NDUFAF7: variants seen among roughly 807,000 people sequenced by gnomAD.
The protein encoded by NDUFAF7 is NADH:ubiquinone oxidoreductase complex assembly factor 7, also known as protein arginine methyltransferase NDUFAF7, mitochondrial.
NDUFAF7 carries 48 observed loss-of-function variants against 47.2 expected under a neutral mutation model. That is an observed-to-expected ratio of 1.02 (90% CI 0.81 to 1.29). NDUFAF7 has a LOEUF of 1.29. NDUFAF7 is among the 50% of genes most tolerant of loss of function. NDUFAF7 has a pLI of 0.00. For missense variants in NDUFAF7, 635 were observed against 537.6 expected (o/e 1.18, Z -1.79); for synonymous variants, 217 against 190.0 (o/e 1.14, Z -1.17).
downstream of NDUFAF7, chr2:37,256,795 C>T (rs765143492): frequency 1.9e-6 from 3 of 1,613,834 alleles, no homozygotes; most frequent in Non-Finnish European, 2.5e-6. Flanking sequence ...CTCCCACTGA[C>T]CACATATCTA....
intron 7 of NDUFAF7, 54 bp from the exon 8 acceptor site, chr2:37,245,998 G>C (rs1328887093): frequency 1.1e-5 from 17 of 1,593,510 alleles, no homozygotes; most frequent in South Asian, 2.2e-5. Flanking sequence ...AAACCGTAAG[G>C]AAGTCATTCT....
chr2:37,244,000 T>G (rs1400082926), intron 7 of NDUFAF7, 27 bp downstream of exon 7: 1 of 1,518,516 alleles, frequency 6.6e-7, no homozygotes, highest in East Asian at 2.3e-5. Flanking sequence ...TTAAGTTTCT[T>G]TTATTGCTCA....
rs1378950153 is a variant in NDUFAF7 at position 37,231,678 on chromosome 2, C to A, written c.-28C>A. 2 of 1,614,028 alleles carry A rather than the reference C, an allele frequency of 1.2e-6. No homozygotes were observed. The highest frequency in any genetic ancestry group is 1.3e-5 in the African/African-American group (1 of 74,934). Reference sequence around the variant, plus strand: ...AAATGGTCTAAGCCCCAGCTCCTGGCGGAGCGAGCTAGCCTGCGAATTTCA... The same window carrying A: ...AAATGGTCTAAGCCCCAGCTCCTGGAGGAGCGAGCTAGCCTGCGAATTTCA... On this transcript the variant is annotated 5_prime_UTR_variant, in exon 1 of 10. Transcript: ENST00000002125.
chr2:37,236,542 C>T (rs948761344), intron 3 of NDUFAF7, among the ~76,000 whole-genome samples: 4 of 151,594 alleles, frequency 2.6e-5, no homozygotes, highest in South Asian at 4.2e-4. Context: ...TTTGGGAGGC[C>T]GAGGCAGGCG....
intron 2 of NDUFAF7, among the ~76,000 whole-genome samples, chr2:37,233,813 G>A (rs773437175): frequency 2.2e-4 from 34 of 152,182 alleles, no homozygotes; most frequent in Non-Finnish European, 3.8e-4. Context: ...TTAACCTAGG[G>A]ACCCTTTAAT....
chr2:37,243,998 C>T, intron 7 of NDUFAF7, 25 bp downstream of exon 7: 1 of 1,520,818 alleles, frequency 6.6e-7, no homozygotes. Context: ...TTTTAAGTTT[C>T]TTTTATTGCT....
In NDUFAF7 at chr2:37,243,853, T is replaced by A. The variant is rs774554877; in HGVS notation, c.682-10T>A. The A allele has an allele frequency of 1.2e-6, 2 of 1,612,610 alleles. No individual in the cohort carries two copies. The highest frequency in any genetic ancestry group is 2.2e-5 in the South Asian group (2 of 90,946). On this transcript the variant is annotated splice_polypyrimidine_tract_variant and intron_variant, in intron 6 of 9. Coordinates refer to ENST00000002125, the MANE Select transcript of NDUFAF7 (RefSeq NM_144736.5). ...CAAAAATTTGTTTTTATGTGTTATT[T>A]TGTGTTTAGAAAACACCACAGGGAT...
downstream of NDUFAF7, chr2:37,253,430 T>G (rs530498557): frequency 5.1e-5 from 66 of 1,298,670 alleles, no homozygotes; most frequent in Non-Finnish European, 6.6e-5. Context: ...TGTTTTTTTT[T>G]GTTGTTGTTT....
chr2:37,235,314 T>G (rs1276091366), intron 2 of NDUFAF7, among the ~76,000 whole-genome samples: 1 of 151,632 alleles, frequency 6.6e-6, no homozygotes, highest in Non-Finnish European at 1.5e-5. Context: ...GAAAAGTTCA[T>G]AAACCACAAG....
rs1241235190 is a variant in NDUFAF7 at position 37,241,636 on chromosome 2, A to C, written c.467A>C (p.Glu156Ala). Reference sequence around the variant, plus strand: ...TGTGACATTTCAGTACATCTGGTAGAGGTAAGCCAAAAATTAAGTGAGATT... The same window carrying C: ...TGTGACATTTCAGTACATCTGGTAGCGGTAAGCCAAAAATTAAGTGAGATT... Reference protein sequence around the residue: ...KNCDISVHLVEVSQKLSEIQA... With the variant: ...KNCDISVHLVAVSQKLSEIQA... The change falls in exon 5 of 10, where the codon GAG (glutamate) becomes GCG (alanine). Residue 156 changes from glutamate (E) to alanine (A), a missense_variant. Coordinates refer to ENST00000002125, the MANE Select transcript of NDUFAF7 (RefSeq NM_144736.5). 1.2e-6 allele frequency: 2 copies of C among 1,613,978 alleles called. No individual in the cohort carries two copies. Among genetic ancestry groups the C allele is most frequent in the Non-Finnish European group, 1.7e-6 (2 of 1,179,986 alleles).
At chr2:37,253,308 T>C (rs769449366), downstream of NDUFAF7, 24 of 1,613,082 alleles carry the variant, frequency 1.5e-5, no homozygotes, top group Non-Finnish European at 2.0e-5. Context: ...CGTTCTCCAA[T>C]GCGAGTTTCA....
At chr2:37,253,375 A>C, downstream of NDUFAF7, 1 of 1,575,378 alleles carries the variant, frequency 6.3e-7, no homozygotes, top group Non-Finnish European at 8.6e-7. Context: ...AATTGTAATG[A>C]TGAAACAAAA....
Position 37,243,704 on chromosome 2 carries a change from T to C in NDUFAF7, c.682-159T>C, listed in dbSNP as rs1250064103. Among the ~76,000 whole-genome samples the C allele has an allele frequency of 3.3e-5, 5 of 152,226 alleles. No individual in the cohort carries two copies. In the East Asian group the frequency reaches 9.6e-4, roughly 29 times the overall value. On this transcript the variant is annotated intron_variant, in intron 6 of 9. Transcript: ENST00000002125. ...TTTGCATCGATTGGTCTACTCATTG[T>C]TCAAAGGCAATGAAGTAATGAATTT...
chr2:37,254,053 A>G, downstream of NDUFAF7: 1 of 622,800 alleles, frequency 1.6e-6, no homozygotes, highest in Non-Finnish European at 2.9e-6. Flanking sequence ...TGAATGCTGT[A>G]TGGTTTCCAG....
At chr2:37,233,122 G>C (rs1665360327) in intron 2 of NDUFAF7, among the ~76,000 whole-genome samples, 1 of 152,188 alleles carries the variant, frequency 6.6e-6, no homozygotes, top group East Asian at 1.9e-4. Flanking sequence ...ATTTGCCGAT[G>C]GATTGAGTGA....
the NDUFAF7 span, among the ~76,000 whole-genome samples, chr2:37,266,911 T>C: frequency 6.6e-6 from 1 of 152,234 alleles, no homozygotes; most frequent in Non-Finnish European, 1.5e-5. Flanking sequence ...AGCTAAATTT[T>C]AATCTTCTAG....
rs993013076 is a variant in NDUFAF7, at chr2:37,237,754, C to T, written c.298-3C>T. ...TATGTGTTTTTTTTTTCCCTTTTCACAGCTACTAGGTATATGGTTCATTAG... is the reference window on the plus strand; with the variant it reads ...TATGTGTTTTTTTTTTCCCTTTTCATAGCTACTAGGTATATGGTTCATTAG... On this transcript the variant is annotated splice_region_variant and splice_polypyrimidine_tract_variant and intron_variant, in intron 3 of 9. Transcript: ENST00000002125. 1.9e-6 allele frequency: 3 copies of T among 1,570,754 alleles called. No homozygotes were observed. Among genetic ancestry groups the T allele is most frequent in the East Asian group, 2.2e-5 (1 of 44,668 alleles).
intron 2 of NDUFAF7, among the ~76,000 whole-genome samples, chr2:37,233,679 T>TA (rs1665449702): frequency 1.3e-5 from 2 of 149,552 alleles, no homozygotes; most frequent in African/African-American, 2.5e-5. Context: ...GGCAGGCATA[T>TA]ATACATTTGC....
At chr2:37,258,345 G>A (rs1401456975), downstream of NDUFAF7, among the ~76,000 whole-genome samples, 3 of 152,278 alleles carry the variant, frequency 2.0e-5, no homozygotes, top group African/African-American at 7.2e-5. Context: ...TACTGAGCCT[G>A]AAGAAATACA....
Sources: allele counts gnomAD v4.1 joint callset (sites outside exome capture counted in the v4.1 genomes callset), GRCh38; gene constraint gnomAD v4.1.1; transcripts MANE v1.5; gene names NCBI Gene and HGNC (gene_info 2026-07-23, HGNC 2026-07-21).